PTBP2: variants seen among roughly 807,000 people sequenced by gnomAD.
The protein encoded by PTBP2 is polypyrimidine tract binding protein 2.
A neutral mutation model predicts 61.4 loss-of-function variants in PTBP2; 13 were observed. The observed-to-expected ratio is 0.21, with a 90% confidence interval of 0.14 to 0.34. The LOEUF (loss-of-function observed/expected upper bound fraction) is 0.34, where lower values mean the gene tolerates loss of function less well. PTBP2 is among the 10% of genes least tolerant of loss of function. The pLI, the probability that PTBP2 is intolerant of heterozygous loss-of-function variation, is 1.00. For synonymous variants in PTBP2, 215 were observed against 218.5 expected (o/e 0.98, Z 0.14); for missense variants, 405 against 642.6 (o/e 0.63, Z 4.00).
rs563986850 is a variant in PTBP2 at position 96,806,806 on chromosome 1, G to C, written c.1079-60G>C. On this transcript the variant is annotated intron_variant, in intron 10 of 13. Transcript: ENST00000674951. ...TGATATGTCAGAAAGATAATCTTTA[G>C]GTGACTTCCACATAAAATTAATTCC... 7.6e-4 allele frequency: 930 copies of C among 1,224,734 alleles called. 3 individuals are homozygous for C. The highest frequency in any genetic ancestry group is 1.1e-3 in the Non-Finnish European group (892 of 840,754). 75.9% of individuals were successfully genotyped at this position (1,224,734 alleles called of 1,614,324 possible). A position where few individuals can be genotyped will look rare whatever the true frequency, so the allele number is the denominator to read the frequency against.
At chr1:96,751,634 A>T (rs757439916) in intron 3 of PTBP2, 134 bp downstream of exon 3, 323 of 634,284 alleles carry the variant, frequency 5.1e-4, no homozygotes, top group Non-Finnish European at 7.9e-4. Context: ...AGTAAATTTT[A>T]CTAAAGTATA....
At chr1:96,733,521 CTT>C (rs1304456008) in intron 2 of PTBP2, among the ~76,000 whole-genome samples, 8 of 152,012 alleles carry the variant, frequency 5.3e-5, no homozygotes, top group Admixed American at 4.6e-4. Context: ...TCTACAAAAA[CTT>C]TTAAAAATTA....
intron 3 of PTBP2, among the ~76,000 whole-genome samples, chr1:96,764,394 A>T (rs561091821): frequency 6.6e-6 from 1 of 152,226 alleles, no homozygotes; most frequent in East Asian, 1.9e-4. Flanking sequence ...AGCAGTGACT[A>T]TGAGGCTTGA....
intron 3 of PTBP2, among the ~76,000 whole-genome samples, chr1:96,763,525 G>T (rs1208565772): frequency 6.7e-6 from 1 of 148,650 alleles, no homozygotes; most frequent in African/African-American, 2.5e-5. Context: ...CGAGATGGCA[G>T]CAGTACAGTC....
At chr1:96,792,914 C>A (rs1557760696) in intron 8 of PTBP2, among the ~76,000 whole-genome samples, 2 of 151,870 alleles carry the variant, frequency 1.3e-5, no homozygotes, top group Admixed American at 1.3e-4. Context: ...TGAAAGCTGT[C>A]CCCCAAGAAA....
At chr1:96,760,967 A>T (rs1464242198) in intron 3 of PTBP2, among the ~76,000 whole-genome samples, 1 of 152,226 alleles carries the variant, frequency 6.6e-6, no homozygotes, top group Non-Finnish European at 1.5e-5. Flanking sequence ...CTTACTAATA[A>T]CAAAAGAATG....
chr1:96,769,839 G>A lies in PTBP2; in HGVS notation c.252G>A (p.Lys84=). The change falls in exon 4 of 14, where the codon AAG becomes AAA. Residue 84 remains lysine, a synonymous_variant. Transcript: ENST00000674951. ...TTGCTTTAGGCTTACCTTTTGGTAA[G>A]GTGACCAACATCCTTATGCTGAAAG... ...EVIALGLPFG[K]VTNILMLKGK... is the part of the protein sequence containing the mutation. 5 of 1,605,362 alleles carry A rather than the reference G, an allele frequency of 3.1e-6. No individual in the cohort carries two copies. Among genetic ancestry groups the A allele is most frequent in the Non-Finnish European group, 3.4e-6 (4 of 1,176,224 alleles).
chr1:96,811,615 C>A (rs1481251889), intron 11 of PTBP2, among the ~76,000 whole-genome samples: 1 of 152,098 alleles, frequency 6.6e-6, no homozygotes, highest in Non-Finnish European at 1.5e-5. Flanking sequence ...TGGGGTGTTA[C>A]CATATTGGCC....
At chr1:96,732,436 C>T (rs1392837753) in intron 2 of PTBP2, among the ~76,000 whole-genome samples, 1 of 152,094 alleles carries the variant, frequency 6.6e-6, no homozygotes, top group East Asian at 1.9e-4. Flanking sequence ...GTATTGGCTC[C>T]TTGAGGGCAG....
intron 3 of PTBP2, among the ~76,000 whole-genome samples, 170 bp from the exon 4 acceptor site, chr1:96,769,533 T>C (rs574196262): frequency 6.6e-6 from 1 of 150,484 alleles, no homozygotes; most frequent in South Asian, 2.1e-4. Context: ...TAGGTGGATA[T>C]GATTTTATTC....
At chr1:96,740,260 C>T (rs1032880897) in intron 2 of PTBP2, among the ~76,000 whole-genome samples, 3 of 152,148 alleles carry the variant, frequency 2.0e-5, no homozygotes, top group African/African-American at 7.2e-5. Context: ...ACTGGGAAGT[C>T]CAAGATCAAG....
intron 3 of PTBP2, among the ~76,000 whole-genome samples, chr1:96,756,884 A>G (rs1328575077): frequency 6.6e-6 from 1 of 152,212 alleles, no homozygotes; most frequent in Non-Finnish European, 1.5e-5. Context: ...TTCCAAACCC[A>G]TAGAATGTAA....
At chr1:96,767,355 A>G in intron 3 of PTBP2, among the ~76,000 whole-genome samples, 1 of 152,092 alleles carries the variant, frequency 6.6e-6, no homozygotes, top group East Asian at 1.9e-4. Context: ...GGGTACAGTG[A>G]TAGGTAGTAT....
chr1:96,752,462 C>G (rs945804320), intron 3 of PTBP2, among the ~76,000 whole-genome samples: 1 of 151,976 alleles, frequency 6.6e-6, no homozygotes, highest in Non-Finnish European at 1.5e-5. Context: ...TCTGACAATT[C>G]AGTTAACTAA....
At chr1:96,768,267 G>A (rs1656971247) in intron 3 of PTBP2, among the ~76,000 whole-genome samples, 1 of 151,946 alleles carries the variant, frequency 6.6e-6, no homozygotes, top group Non-Finnish European at 1.5e-5. Flanking sequence ...CCCTCAGAAC[G>A]TAAAACATTG....
intron 8 of PTBP2, among the ~76,000 whole-genome samples, chr1:96,800,585 T>A (rs1257181997): frequency 2.7e-5 from 4 of 150,756 alleles, no homozygotes; most frequent in Admixed American, 2.6e-4. Context: ...ATAAAAAAAA[T>A]TAGCCATGCC....
chr1:96,774,241 T>C (rs1030063653), intron 5 of PTBP2, among the ~76,000 whole-genome samples: 1 of 152,184 alleles, frequency 6.6e-6, no homozygotes, highest in Admixed American at 6.5e-5. Context: ...GCTCTTTTGT[T>C]AATGAACTAG....
intron 8 of PTBP2, among the ~76,000 whole-genome samples, chr1:96,796,995 A>G (rs1035133017): frequency 1.3e-5 from 2 of 152,234 alleles, no homozygotes; most frequent in African/African-American, 4.8e-5. Flanking sequence ...TTTTTAAGAA[A>G]TCATGAGACC....
At chr1:96,821,001 G>C (rs535182759) in exon 14 of PTBP2, 1 of 152,178 alleles carries the variant, frequency 6.6e-6, no homozygotes, top group South Asian at 2.1e-4. Context: ...CAGGGAACAG[G>C]AGGCTGAGCA....
Sources: gnomAD v4.1 joint callset for allele counts (sites outside exome capture counted in the v4.1 genomes callset) on GRCh38, gnomAD v4.1.1 for gene constraint, MANE v1.5 for transcripts, NCBI Gene and HGNC (gene_info 2026-07-23, HGNC 2026-07-21) for gene names.